The following CD109 variants were observed in gnomAD, a reference collection of about 807,000 sequenced individuals.
The protein encoded by CD109 is CD109 antigen.
CD109 carries 149 observed loss-of-function variants against 165.8 expected under a neutral mutation model. The ratio of observed to expected loss-of-function variants is 0.90; its 90% confidence interval spans 0.79 to 1.03. The LOEUF (loss-of-function observed/expected upper bound fraction) is 1.03. CD109 is among the 50% of genes least tolerant of loss of function. The pLI, the probability that CD109 is intolerant of heterozygous loss-of-function variation, is 0.00. For missense variants in CD109, 1,712 were observed against 1,677.8 expected, an observed-to-expected ratio of 1.02 and a Z score of -0.36; for synonymous variants, 585 against 592.1, an observed-to-expected ratio of 0.99 and a Z score of 0.18.
In CD109 at chr6:73,742,060, G is replaced by A. The variant is rs9350503; in HGVS notation, c.633+5552G>A. Among the ~76,000 whole-genome samples the A allele has an allele frequency of 1.1e-3, 160 of 152,244 alleles. 7 individuals carry two copies. In the East Asian group the frequency reaches 0.029, roughly 28 times the overall value. Reference sequence around the variant, plus strand: ...CATTGTAACCATTTTTAAGTGTACAGTTCAGTGGTATTAAGTACATTAATA... The same window carrying A: ...CATTGTAACCATTTTTAAGTGTACAATTCAGTGGTATTAAGTACATTAATA... On this transcript the variant is annotated intron_variant, in intron 5 of 32. Transcript: ENST00000287097.
intron 5 of CD109, among the ~76,000 whole-genome samples, chr6:73,742,294 G>A (rs1772818591): frequency 6.7e-6 from 1 of 148,664 alleles, no homozygotes. Flanking sequence ...TTTTCTCTTA[G>A]CATAATGTTA....
chr6:73,753,770 C>G (rs907243902), intron 5 of CD109, among the ~76,000 whole-genome samples: 10 of 152,134 alleles, frequency 6.6e-5, no homozygotes, highest in Non-Finnish European at 1.3e-4. Flanking sequence ...GGTCATTTGC[C>G]TCTTCAGGGT....
chr6:73,826,889 T>C lies in CD109; in HGVS notation c.*3256T>C, dbSNP rs1776293886. On this transcript the variant is annotated 3_prime_UTR_variant, in exon 33 of 33. Transcript: ENST00000287097. ...TTTTTAGAAAAAGACATATTTAGCTTTAATTTCTATTTATGCTAAACATAT... is the reference window on the plus strand; with the variant it reads ...TTTTTAGAAAAAGACATATTTAGCTCTAATTTCTATTTATGCTAAACATAT... 1 of 151,884 alleles carries C rather than the reference T, an allele frequency of 6.6e-6. No homozygotes were observed. The highest frequency in any genetic ancestry group is 2.1e-4 in the South Asian group (1 of 4,814). The allele number at this position is 151,884 out of a possible 1,614,324, so 9.4% of individuals were successfully genotyped here. A position where few individuals can be genotyped will look rare whatever the true frequency, so the allele number is the denominator to read the frequency against.
At chr6:73,726,856 C>A (rs765137947) in intron 3 of CD109, among the ~76,000 whole-genome samples, 4 of 152,186 alleles carry the variant, frequency 2.6e-5, no homozygotes, top group Non-Finnish European at 5.9e-5. Flanking sequence ...TGCTTTCAGA[C>A]AGCCTCTCAC....
At chr6:73,778,626 T>A (rs1774354680) in intron 15 of CD109, among the ~76,000 whole-genome samples, 1 of 152,232 alleles carries the variant, frequency 6.6e-6, no homozygotes, top group African/African-American at 2.4e-5. Context: ...TCTGGCTCCC[T>A]TGTCTACTTG....
At chr6:73,704,712 A>G (rs1456174156) in intron 2 of CD109, among the ~76,000 whole-genome samples, 1 of 152,204 alleles carries the variant, frequency 6.6e-6, no homozygotes, top group Non-Finnish European at 1.5e-5. Flanking sequence ...ATTTCTTCTC[A>G]TTAATGTATT....
chr6:73,800,067 G>A (rs1374315890), intron 23 of CD109, among the ~76,000 whole-genome samples: 1 of 151,938 alleles, frequency 6.6e-6, no homozygotes, highest in Admixed American at 6.6e-5. Flanking sequence ...TATTGCCCAG[G>A]CTGGTCTCAA....
chr6:73,729,085 G>A (rs1055417530), intron 3 of CD109, among the ~76,000 whole-genome samples: 2 of 152,142 alleles, frequency 1.3e-5, no homozygotes, highest in Non-Finnish European at 2.9e-5. Context: ...GTTGGTGGGA[G>A]GCCCTGGTTC....
chr6:73,727,587 G>A (rs1046922936), intron 3 of CD109, among the ~76,000 whole-genome samples: 1 of 152,144 alleles, frequency 6.6e-6, no homozygotes, highest in Non-Finnish European at 1.5e-5. Context: ...ATGTTTTCGG[G>A]CATATTTGCA....
intron 3 of CD109, among the ~76,000 whole-genome samples, chr6:73,727,736 C>G (rs1359284863): frequency 6.6e-6 from 1 of 152,088 alleles, no homozygotes; most frequent in Non-Finnish European, 1.5e-5. Context: ...AAATGATAAA[C>G]ATATCAAATC....
At chr6:73,679,801 A>C in the CD109 span, among the ~76,000 whole-genome samples, 67 of 152,008 alleles carry the variant, frequency 4.4e-4, no homozygotes, top group African/African-American at 1.6e-3. Context: ...TGCCCAGCTA[A>C]TTTTTGTGTT....
chr6:73,781,310 G>A lies in CD109; in HGVS notation c.1954G>A (p.Asp652Asn). ...TGCAAACCTCACGAAGGATTATATT[G>A]ATGGTGTTTGTAAGTAATACATGGC... ...TDANLTKDYI[D>N]GVYDNAEYAE... The change falls in exon 17 of 33, where the codon GAT becomes AAT. Residue 652 changes from aspartate (D) to asparagine (N), a missense_variant. By Grantham distance (23) the Asp-to-Asn change is conservative (BLOSUM62 1). Coordinates refer to ENST00000287097, the MANE Select transcript of CD109 (RefSeq NM_133493.5). 6.2e-7 allele frequency: 1 copy of A among 1,612,376 alleles called. No individual in the cohort carries two copies. The highest frequency in any genetic ancestry group is 8.5e-7 in the Non-Finnish European group (1 of 1,178,632).
intron 4 of CD109, among the ~76,000 whole-genome samples, chr6:73,735,833 T>C (rs1485060739): frequency 6.6e-6 from 1 of 152,164 alleles, no homozygotes; most frequent in Non-Finnish European, 1.5e-5. Flanking sequence ...AAAGGAGAAT[T>C]GTAATGATTA....
chr6:73,691,941 C>G (rs552659052), upstream of CD109, among the ~76,000 whole-genome samples: 3 of 152,286 alleles, frequency 2.0e-5, no homozygotes, highest in African/African-American at 7.2e-5. Context: ...CCTCAGGGAG[C>G]TTTTACTCAT....
chr6:73,750,873 G>C (rs1773161679), intron 5 of CD109, among the ~76,000 whole-genome samples: 1 of 152,064 alleles, frequency 6.6e-6, no homozygotes, highest in African/African-American at 2.4e-5. Context: ...CCTACTCCTT[G>C]GATAAAATGT....
chr6:73,812,080 A>C, intron 28 of CD109, 125 bp from the exon 29 acceptor site: 2 of 610,176 alleles, frequency 3.3e-6, no homozygotes, highest in Middle Eastern at 2.7e-4. Context: ...AGACAGTGCA[A>C]AGCTCTTAGT....
At chr6:73,707,987 TATATATATATATATATA>T (rs1562021870) in intron 2 of CD109, among the ~76,000 whole-genome samples, 4 of 70,002 alleles carry the variant, frequency 5.7e-5, no homozygotes, top group Non-Finnish European at 1.2e-4. Flanking sequence ...TATATATATA[TATATATATATATATATA>T]TATATTTATT....
At chr6:73,763,299 C>T (rs1303234771) in intron 9 of CD109, among the ~76,000 whole-genome samples, 1 of 152,180 alleles carries the variant, frequency 6.6e-6, no homozygotes, top group Non-Finnish European at 1.5e-5. Context: ...TAGCCAATCC[C>T]TGAAAGAGCA....
chr6:73,728,609 A>G (rs1772228356), intron 3 of CD109, among the ~76,000 whole-genome samples: 1 of 152,164 alleles, frequency 6.6e-6, no homozygotes, highest in Admixed American at 6.5e-5. Context: ...GCAGACATCA[A>G]TACTCTTCTC....
Sources: gnomAD v4.1 joint callset for allele counts (sites outside exome capture counted in the v4.1 genomes callset) on GRCh38, gnomAD v4.1.1 for gene constraint, MANE v1.5 for transcripts, NCBI Gene and HGNC (gene_info 2026-07-23, HGNC 2026-07-21) for gene names.